CTNNA2: variants seen among roughly 807,000 people sequenced by gnomAD.
CTNNA2 encodes catenin alpha-2.
CTNNA2 carries 42 observed loss-of-function variants against 101.0 expected under a neutral mutation model. That is an observed-to-expected ratio of 0.42 (90% CI 0.32 to 0.54). The LOEUF is 0.54. Ranked by LOEUF, CTNNA2 falls within the 20% of genes least tolerant of loss-of-function variation. The probability of loss-of-function intolerance (pLI) is 0.14; values close to 1 mark genes in which losing one functional copy is unlikely to be tolerated. For missense variants in CTNNA2, 871 were observed against 1,223.1 expected, an observed-to-expected ratio of 0.71 and a Z score of 4.29; for synonymous variants, 450 against 456.4, an observed-to-expected ratio of 0.99 and a Z score of 0.18.
intron 12 of CTNNA2, among the ~76,000 whole-genome samples, chr2:80,571,194 T>C (rs765546341): frequency 3.9e-5 from 6 of 152,176 alleles, no homozygotes; most frequent in African/African-American, 1.4e-4. Context: ...GGTGTGTTCA[T>C]GCAGGTTGGG....
chr2:79,793,362 C>T (rs1675433178), intron 3 of CTNNA2, among the ~76,000 whole-genome samples: 1 of 152,142 alleles, frequency 6.6e-6, no homozygotes, highest in Non-Finnish European at 1.5e-5. Context: ...CAGAGCGACT[C>T]ATGTAGAGCT....
chr2:80,141,925 T>C (rs550420614), intron 7 of CTNNA2, among the ~76,000 whole-genome samples: 1 of 151,988 alleles, frequency 6.6e-6, no homozygotes, highest in East Asian at 1.9e-4. Flanking sequence ...CTGAGTTGTT[T>C]TTCAGAAATC....
chr2:80,477,787 A>G (rs1461291541), intron 9 of CTNNA2, among the ~76,000 whole-genome samples: 1 of 150,810 alleles, frequency 6.6e-6, no homozygotes, highest in Non-Finnish European at 1.5e-5. Context: ...TTATTCACTC[A>G]TCAGTTCATG....
intron 2 of CTNNA2, among the ~76,000 whole-genome samples, chr2:79,237,697 T>C (rs1674574639): frequency 6.6e-6 from 1 of 152,222 alleles, no homozygotes; most frequent in Admixed American, 6.5e-5. Context: ...CATCAGTACT[T>C]GTTGCTTTAC....
Position 80,479,022 on chromosome 2 carries a change from TA to T in CTNNA2, c.1290+59423del, listed in dbSNP as rs1471809813. Among the ~76,000 whole-genome samples the T allele has an allele frequency of 4.9e-3, 744 of 151,750 alleles. 7 individuals are homozygous for T. The highest frequency in any genetic ancestry group is 0.017 in the African/African-American group (694 of 41,364). On this transcript the variant is annotated intron_variant, in intron 9 of 18. Transcript: ENST00000402739. ...AATCCATGAGCATGGGTTTTTTTTT[TA>T]ATTTTTTTGTGTCATCTATAATTTC...
At chr2:79,320,737 T>A (rs1429721125) in intron 3 of CTNNA2, among the ~76,000 whole-genome samples, 1 of 151,778 alleles carries the variant, frequency 6.6e-6, no homozygotes, top group Non-Finnish European at 1.5e-5. Flanking sequence ...GAAAGGGAGG[T>A]CAGGTCAGGC....
chr2:80,401,595 A>G (rs1264440256), intron 8 of CTNNA2, among the ~76,000 whole-genome samples: 1 of 152,024 alleles, frequency 6.6e-6, no homozygotes, highest in Non-Finnish European at 1.5e-5. Flanking sequence ...ATATTCTCCC[A>G]TGTTTGAATT....
chr2:79,441,790 A>G (rs1431486066), intron 4 of CTNNA2, among the ~76,000 whole-genome samples: 1 of 152,200 alleles, frequency 6.6e-6, no homozygotes, highest in African/African-American at 2.4e-5. Flanking sequence ...TACCATGACT[A>G]TAATACACAT....
At chr2:79,259,693 T>C (rs1342459155) in intron 2 of CTNNA2, among the ~76,000 whole-genome samples, 1 of 152,156 alleles carries the variant, frequency 6.6e-6, no homozygotes, top group Admixed American at 6.5e-5. Flanking sequence ...GCAGGCTGCC[T>C]ACCTGCAGCT....
At chr2:80,005,813 A>G (rs1225243000) in intron 7 of CTNNA2, among the ~76,000 whole-genome samples, 1 of 151,556 alleles carries the variant, frequency 6.6e-6, no homozygotes, top group Non-Finnish European at 1.5e-5. Flanking sequence ...GAATGAGGAC[A>G]TTTTCATATC....
At chr2:80,003,462 G>A (rs1396549386) in intron 7 of CTNNA2, among the ~76,000 whole-genome samples, 3 of 152,188 alleles carry the variant, frequency 2.0e-5, no homozygotes, top group African/African-American at 7.2e-5. Context: ...GCTTCCCCTG[G>A]CCCATAGGTA....
At chr2:79,512,599 G>C (rs1221670777), upstream of CTNNA2, among the ~76,000 whole-genome samples, 2 of 73,322 alleles carry the variant, frequency 2.7e-5, no homozygotes, top group Non-Finnish European at 5.4e-5. Flanking sequence ...TCCCGCACCC[G>C]GTCCCTCTCC....
intron 6 of CTNNA2, among the ~76,000 whole-genome samples, chr2:79,901,403 G>A (rs1348135619): frequency 6.6e-6 from 1 of 151,958 alleles, no homozygotes; most frequent in African/African-American, 2.4e-5. Context: ...TATGAAGGTA[G>A]TAAAAATCCA....
At chr2:80,637,530 CA>C (rs1673010966) in intron 18 of CTNNA2, among the ~76,000 whole-genome samples, 1 of 151,984 alleles carries the variant, frequency 6.6e-6, no homozygotes, top group Non-Finnish European at 1.5e-5. Context: ...ATCACAGGAA[CA>C]AAAGGGGCTG....
chr2:79,518,452 G>A (rs1032896000), intron 1 of CTNNA2, among the ~76,000 whole-genome samples: 2 of 152,202 alleles, frequency 1.3e-5, no homozygotes, highest in Non-Finnish European at 2.9e-5. Context: ...TATTCTGCAA[G>A]TTGAGTTTAT....
intron 2 of CTNNA2, among the ~76,000 whole-genome samples, chr2:79,292,006 G>A (rs1675833615): frequency 6.6e-6 from 1 of 151,964 alleles, no homozygotes; most frequent in Non-Finnish European, 1.5e-5. Context: ...CTTTTGGGGG[G>A]TAGAGCTCAC....
chr2:79,652,865 A>C (rs1468611609), intron 2 of CTNNA2, among the ~76,000 whole-genome samples: 1 of 152,116 alleles, frequency 6.6e-6, no homozygotes, highest in Non-Finnish European at 1.5e-5. Flanking sequence ...CATCAACTCA[A>C]GTTCAAAATA....
intron 2 of CTNNA2, among the ~76,000 whole-genome samples, chr2:79,716,216 G>T (rs895672791): frequency 5.9e-5 from 9 of 152,052 alleles, no homozygotes; most frequent in African/African-American, 2.2e-4. Context: ...AAATTTTTTT[G>T]CCAATACACC....
chr2:80,466,700 T>C (rs2149479985), intron 9 of CTNNA2, among the ~76,000 whole-genome samples: 1 of 152,328 alleles, frequency 6.6e-6, no homozygotes, highest in African/African-American at 2.4e-5. Flanking sequence ...ACAGTTCCCA[T>C]AGCATTTGTC....
Sources: allele counts gnomAD v4.1 joint callset (sites outside exome capture counted in the v4.1 genomes callset), GRCh38; gene constraint gnomAD v4.1.1; transcripts MANE v1.5; gene names NCBI Gene and HGNC (gene_info 2026-07-23, HGNC 2026-07-21).